The following OPHN1 variants were observed in gnomAD, a reference collection of about 807,000 sequenced individuals.
OPHN1 encodes the protein oligophrenin-1.
A neutral mutation model predicts 60.7 loss-of-function variants in OPHN1; 11 were observed. The ratio of observed to expected loss-of-function variants is 0.18; its 90% CI spans 0.11 to 0.30. The LOEUF (loss-of-function observed/expected upper bound fraction) is 0.30. Ranked by LOEUF, OPHN1 falls within the 10% of genes least tolerant of loss-of-function variation. OPHN1 has a pLI of 1.00. For synonymous variants in OPHN1, 226 were observed against 222.6 expected (o/e 1.02, Z -0.14); for missense variants, 449 against 611.0 (o/e 0.73, Z 2.80).
At chrX:68,203,401 C>T (rs1250789419) in intron 10 of OPHN1, among the ~76,000 whole-genome samples, 2 of 111,812 alleles carry the variant, frequency 1.8e-5, no homozygotes, top group Non-Finnish European at 3.8e-5. Flanking sequence ...AACTGGCCCA[C>T]GTGGCTCATT....
chrX:68,227,363 A>G (rs1269387105), intron 6 of OPHN1, among the ~76,000 whole-genome samples: 2 of 111,090 alleles, frequency 1.8e-5, no homozygotes, highest in Non-Finnish European at 3.8e-5. Flanking sequence ...CAGAAAGTTA[A>G]CAAGGAGATC....
chrX:68,070,826 C>T (rs2076931060), intron 20 of OPHN1: 1 of 1,173,048 alleles, frequency 8.5e-7, no homozygotes, highest in Non-Finnish European at 1.2e-6. Flanking sequence ...CTTTCAGGAC[C>T]ACAGTCCAAG....
At chrX:68,306,891 T>A (rs1410187168) in intron 2 of OPHN1, among the ~76,000 whole-genome samples, 2 of 110,225 alleles carry the variant, frequency 1.8e-5, no homozygotes, top group East Asian at 5.8e-4. Context: ...CCCAGCTAAT[T>A]TCTAAAATTT....
intron 6 of OPHN1, among the ~76,000 whole-genome samples, chrX:68,225,172 G>T (rs1031000192): frequency 8.9e-6 from 1 of 111,877 alleles, no homozygotes; most frequent in Non-Finnish European, 1.9e-5. Context: ...CGAGGCTGGG[G>T]GAGGGTCGTC....
At chrX:68,421,350 A>C (rs1437315155) in intron 2 of OPHN1, among the ~76,000 whole-genome samples, 4 of 111,574 alleles carry the variant, frequency 3.6e-5, no homozygotes, top group African/African-American at 6.5e-5. Flanking sequence ...ACCTCTCCAC[A>C]TCAACCAAAC....
chrX:68,374,342 G>A (rs2078545261), intron 2 of OPHN1, among the ~76,000 whole-genome samples: 1 of 98,413 alleles, frequency 1.0e-5, no homozygotes, highest in South Asian at 4.9e-4. Flanking sequence ...GCAACAGAGT[G>A]AGACTCCATC....
At chrX:68,184,155 C>A (rs1055534548) in intron 15 of OPHN1, among the ~76,000 whole-genome samples, 6 of 111,546 alleles carry the variant, frequency 5.4e-5, no homozygotes, top group African/African-American at 2.0e-4. Flanking sequence ...TGTAACAAAC[C>A]TGCACGTTGT....
chrX:68,433,077 A>T, intron 1 of OPHN1, 53 bp from the exon 2 acceptor site: 1 of 1,105,679 alleles, frequency 9.0e-7, no homozygotes, highest in South Asian at 2.1e-5. Flanking sequence ...CGAGAGCATC[A>T]ATGGCACAGT....
At chrX:68,228,825 G>A (rs2077711521) in intron 6 of OPHN1, among the ~76,000 whole-genome samples, 1 of 110,605 alleles carries the variant, frequency 9.0e-6, no homozygotes, top group East Asian at 2.9e-4. Context: ...GGCAAAAACT[G>A]GAAGCATTCC....
chrX:68,129,960 G>A (rs2077187106), intron 15 of OPHN1, among the ~76,000 whole-genome samples: 1 of 111,303 alleles, frequency 9.0e-6, no homozygotes, highest in Non-Finnish European at 1.9e-5. Context: ...TGTATTTTGG[G>A]CTCTTAAATA....
At chrX:68,317,589 GAGAGAGAAAGAAA>G (rs1206650069) in intron 2 of OPHN1, among the ~76,000 whole-genome samples, 2,600 of 85,565 alleles carry the variant, frequency 0.03, 238 homozygotes, top group African/African-American at 0.13. Flanking sequence ...AAGAAAGAAA[GAGAGAGAAAGAAA>G]AAAGAAAGGA....
Position 68,073,269 on chromosome X carries a change from C to G in OPHN1, c.1717G>C (p.Ala573Pro). 1 of 1,210,610 alleles carries G rather than the reference C, an allele frequency of 8.3e-7. No individual in the cohort carries two copies. The highest frequency in any genetic ancestry group is 1.8e-5 in the South Asian group (1 of 56,798). The change falls in exon 20 of 25, where the codon GCA (alanine) becomes CCA (proline). Residue 573 changes from alanine to proline, a missense_variant. By Grantham distance (27) the Ala-to-Pro change is conservative. Transcript: ENST00000355520. ...IYLGPPEESAAPPVPPPRVTA... is the reference protein window; with the variant it reads ...IYLGPPEESAPPPVPPPRVTA... ...ACCCGAGGCGGAGGCACTGGCGGTG[C>G]AGCGCTTTCCTCAGGTGGACCTAAA...
intron 20 of OPHN1, among the ~76,000 whole-genome samples, chrX:68,072,436 A>AT (rs1285442335): frequency 1.8e-5 from 2 of 111,859 alleles, no homozygotes; most frequent in African/African-American, 6.5e-5. Flanking sequence ...ACCAGGAGAG[A>AT]AGACTGAGAT....
intron 2 of OPHN1, among the ~76,000 whole-genome samples, chrX:68,420,631 T>C (rs1270553648): frequency 1.8e-5 from 2 of 110,742 alleles, no homozygotes; most frequent in African/African-American, 6.6e-5. Context: ...TGTCTCTTGA[T>C]CTTCTATTTT....
At chrX:68,113,979 A>G (rs2077116544) in intron 16 of OPHN1, among the ~76,000 whole-genome samples, 2 of 65,548 alleles carry the variant, frequency 3.1e-5, no homozygotes, top group African/African-American at 2.9e-4. Flanking sequence ...ATAAAAAAAA[A>G]AAGAAAAAAA....
chrX:68,412,473 G>A (rs1387077237), intron 2 of OPHN1, among the ~76,000 whole-genome samples: 1 of 111,280 alleles, frequency 9.0e-6, no homozygotes, highest in Non-Finnish European at 1.9e-5. Context: ...ATGGATGCCA[G>A]GGGCTGAGGG....
At chrX:68,295,523 T>A (rs2078090544) in intron 3 of OPHN1, among the ~76,000 whole-genome samples, 1 of 112,547 alleles carries the variant, frequency 8.9e-6, no homozygotes. Context: ...AGCTAACATA[T>A]AAAACTCAAA....
intron 3 of OPHN1, 114 bp downstream of exon 3, chrX:68,298,887 A>G (rs1793844548): frequency 2.1e-6 from 1 of 469,767 alleles, no homozygotes. Flanking sequence ...GGGCCTTGGC[A>G]TTGGACCACA....
chrX:68,423,186 C>T (rs2078838727), intron 2 of OPHN1, among the ~76,000 whole-genome samples: 1 of 110,914 alleles, frequency 9.0e-6, no homozygotes, highest in African/African-American at 3.3e-5. Context: ...CCACCACGCC[C>T]AGCTAATATT....
Sources: gnomAD v4.1 joint callset for allele counts (sites outside exome capture counted in the v4.1 genomes callset) on GRCh38, gnomAD v4.1.1 for gene constraint, MANE v1.5 for transcripts, NCBI Gene and HGNC (gene_info 2026-07-23, HGNC 2026-07-21) for gene names.